Variants in DMD observed in about 807,000 individuals in gnomAD.
DMD encodes dystrophin.
Under a neutral mutation model 330.1 loss-of-function variants are expected in DMD, and 63 were observed. The observed-to-expected ratio is 0.19, with a 90% CI of 0.16 to 0.24. The LOEUF is 0.24. DMD is among the 10% of genes least tolerant of loss of function. The pLI is 1.00. For synonymous variants in DMD, 1,223 were observed against 959.8 expected (o/e 1.27, Z -5.07); for missense variants, 3,344 against 2,684.1 (o/e 1.25, Z -5.43).
intron 41 of DMD, among the ~76,000 whole-genome samples, chrX:32,326,476 C>T (rs1252829387): frequency 8.9e-6 from 1 of 112,785 alleles, no homozygotes; most frequent in Non-Finnish European, 1.9e-5. Flanking sequence ...TATATGAATA[C>T]ATTTATGTGT....
intron 55 of DMD, among the ~76,000 whole-genome samples, chrX:31,569,573 GTA>G (rs72024529): frequency 0.032 from 2,815 of 87,132 alleles, 67 homozygotes; most frequent in African/African-American, 0.074. Context: ...ATATATATGT[GTA>G]TATATATAAA....
intron 53 of DMD, among the ~76,000 whole-genome samples, chrX:31,663,605 C>T (rs1390526208): frequency 1.8e-5 from 2 of 111,398 alleles, no homozygotes; most frequent in Non-Finnish European, 3.8e-5. Flanking sequence ...TCTCTCTAGT[C>T]TCAGAGGAAG....
chrX:32,119,957 C>G (rs1569544521), intron 44 of DMD, among the ~76,000 whole-genome samples: 1 of 111,979 alleles, frequency 8.9e-6, no homozygotes, highest in Non-Finnish European at 1.9e-5. Flanking sequence ...CTTGCCACCT[C>G]AACTAGGAGC....
intron 1 of DMD, chrX:33,128,059 T>C: frequency 8.5e-7 from 1 of 1,170,672 alleles, no homozygotes; most frequent in Non-Finnish European, 1.1e-6. Context: ...ACCAAAAGAG[T>C]CACCTTTAGG....
At chrX:32,077,741 C>T (rs1403010076) in intron 44 of DMD, among the ~76,000 whole-genome samples, 2 of 111,681 alleles carry the variant, frequency 1.8e-5, no homozygotes, top group African/African-American at 6.5e-5. Flanking sequence ...TCATTCTGTT[C>T]AAATTGCTCT....
At position 32,380,406 on chromosome X, in the gene DMD, AATATTT is replaced by A. The variant is rs2097919896; in HGVS notation, c.4845+98_4845+103del. 3.3e-5 allele frequency: 25 copies of A among 755,786 alleles called. No homozygotes were observed. In the South Asian group the frequency reaches 5.6e-4, roughly 17 times the overall value. The allele number at this position is 755,786 out of a possible 1,213,427, so 62.3% of individuals were successfully genotyped here. On this transcript the variant is annotated intron_variant, in intron 34 of 78. Transcript: ENST00000357033. ...AAGAAAGGGAATATGAAACAATATT[AATATTT>A]ATAATGCTATTATTGCTACATGTTA...
chrX:31,627,972 T>C lies in DMD; in HGVS notation c.8028-110A>G. Reference sequence around the variant, plus strand: ...GAACTAAATTGTAATATACCAACAATGGGGTGAGTTGTTGCTACAGCTCTT... The same window carrying C: ...GAACTAAATTGTAATATACCAACAACGGGGTGAGTTGTTGCTACAGCTCTT... On this transcript the variant is annotated intron_variant, in intron 54 of 78. Transcript: ENST00000357033. 9 of 702,210 alleles carry C rather than the reference T, an allele frequency of 1.3e-5. No individual in the cohort carries two copies. In the South Asian group the frequency reaches 1.6e-4, roughly 13 times the overall value. 57.9% of individuals were successfully genotyped at this position (702,210 alleles called of 1,213,427 possible).
chrX:32,660,392 A>G (rs2147077801), intron 9 of DMD, among the ~76,000 whole-genome samples: 1 of 111,448 alleles, frequency 9.0e-6, no homozygotes, highest in Admixed American at 9.6e-5. Context: ...AGCGAAACAG[A>G]ACCCTAAGTG....
At chrX:32,035,035 G>T (rs1338728767) in intron 44 of DMD, among the ~76,000 whole-genome samples, 1 of 111,604 alleles carries the variant, frequency 9.0e-6, no homozygotes, top group Non-Finnish European at 1.9e-5. Flanking sequence ...GCCAGACCCT[G>T]TGTTAGAACT....
At chrX:33,331,872 G>C (rs2054183488) in intron 1 of DMD, among the ~76,000 whole-genome samples, 1 of 111,366 alleles carries the variant, frequency 9.0e-6, no homozygotes, top group Non-Finnish European at 1.9e-5. Flanking sequence ...AGTCATGTTA[G>C]GCATATAATT....
At chrX:31,196,272 G>A (rs1010404623) in intron 67 of DMD, among the ~76,000 whole-genome samples, 3 of 111,547 alleles carry the variant, frequency 2.7e-5, no homozygotes, top group African/African-American at 9.8e-5. Flanking sequence ...ATGGCAGCCA[G>A]CTATCTCTAT....
intron 43 of DMD, among the ~76,000 whole-genome samples, chrX:32,240,283 C>T (rs759818059): frequency 5.4e-5 from 6 of 111,717 alleles, no homozygotes; most frequent in African/African-American, 2.0e-4. Flanking sequence ...TCCTCACCCT[C>T]AAGGTGATGA....
chrX:32,791,820 C>T (rs2075843708), intron 7 of DMD, among the ~76,000 whole-genome samples: 2 of 111,672 alleles, frequency 1.8e-5, no homozygotes, highest in Admixed American at 1.9e-4. Flanking sequence ...CCCTATTTAA[C>T]AAAATAATAG....
chrX:31,976,470 T>C (rs2095436850), intron 44 of DMD, among the ~76,000 whole-genome samples: 1 of 111,237 alleles, frequency 9.0e-6, no homozygotes, highest in Non-Finnish European at 1.9e-5. Flanking sequence ...ATTTTGGGAA[T>C]CCCTGAGTAT....
intron 30 of DMD, among the ~76,000 whole-genome samples, chrX:32,411,063 C>T (rs911486867): frequency 9.0e-6 from 1 of 111,729 alleles, no homozygotes; most frequent in Non-Finnish European, 1.9e-5. Context: ...CAATATAGAC[C>T]ATGTGACTAA....
chrX:32,185,120 T>C (rs1036219237), intron 44 of DMD, among the ~76,000 whole-genome samples: 1 of 111,200 alleles, frequency 9.0e-6, no homozygotes, highest in Non-Finnish European at 1.9e-5. Flanking sequence ...CCAAGAGAAG[T>C]TGCAGTTCTG....
At chrX:33,044,587 C>T (rs760940654) in intron 1 of DMD, among the ~76,000 whole-genome samples, 1 of 112,011 alleles carries the variant, frequency 8.9e-6, no homozygotes, top group Non-Finnish European at 1.9e-5. Context: ...TGCCTTCTTA[C>T]CTGACGATGG....
intron 17 of DMD, among the ~76,000 whole-genome samples, chrX:32,544,437 A>C (rs1300739530): frequency 1.8e-5 from 2 of 111,694 alleles, no homozygotes; most frequent in East Asian, 2.8e-4. Flanking sequence ...TTCTTTCTTA[A>C]TCTTAGAATT....
At chrX:32,687,735 T>A (rs2062985282) in intron 9 of DMD, among the ~76,000 whole-genome samples, 1 of 111,349 alleles carries the variant, frequency 9.0e-6, no homozygotes, top group Non-Finnish European at 1.9e-5. Context: ...AGACCCAGAA[T>A]CAAAAGAGAT....
Sources: allele counts gnomAD v4.1 joint callset (sites outside exome capture counted in the v4.1 genomes callset), GRCh38; gene constraint gnomAD v4.1.1; transcripts MANE v1.5; gene names NCBI Gene and HGNC (gene_info 2026-07-23, HGNC 2026-07-21).